The following IQGAP2 variants were observed in gnomAD, a reference collection of about 807,000 sequenced individuals.
IQGAP2 encodes the protein ras GTPase-activating-like protein IQGAP2.
IQGAP2 carries 173 observed loss-of-function variants against 201.3 expected under a neutral mutation model. That is an observed-to-expected ratio of 0.86 (90% confidence interval 0.76 to 0.98). The LOEUF (loss-of-function observed/expected upper bound fraction) is 0.98, where lower values mean the gene tolerates loss of function less well. Among genes scored for constraint, IQGAP2 ranks in the 50% least tolerant of loss-of-function variants. The probability of loss-of-function intolerance (pLI) is 0.00; values close to 1 mark genes in which losing one functional copy is unlikely to be tolerated. For missense variants in IQGAP2, 1,687 were observed against 1,864.8 expected, an observed-to-expected ratio of 0.90 and a Z score of 1.76; for synonymous variants, 675 against 673.9, an observed-to-expected ratio of 1.00 and a Z score of -0.03.
intron 24 of IQGAP2, 139 bp from the exon 25 acceptor site, chr5:76,673,310 C>G: frequency 1.3e-6 from 1 of 782,858 alleles, no homozygotes; most frequent in Admixed American, 3.1e-5. Flanking sequence ...AGCCTCCCCT[C>G]ATTTAGTAAA....
chr5:76,518,328 G>A (rs552287374), intron 2 of IQGAP2, among the ~76,000 whole-genome samples: 14 of 152,266 alleles, frequency 9.2e-5, no homozygotes, highest in Admixed American at 3.9e-4. Context: ...CATTGCAGAC[G>A]GCAAGGAGGA....
chr5:76,661,661 A>C (rs1404282623), intron 21 of IQGAP2, among the ~76,000 whole-genome samples: 2 of 152,164 alleles, frequency 1.3e-5, no homozygotes, highest in East Asian at 3.8e-4. Flanking sequence ...GGTGATTTAC[A>C]TATATTTTTA....
At chr5:76,579,326 C>T (rs2150288095) in intron 5 of IQGAP2, among the ~76,000 whole-genome samples, 1 of 152,034 alleles carries the variant, frequency 6.6e-6, no homozygotes, top group Non-Finnish European at 1.5e-5. Flanking sequence ...GCCATGATTA[C>T]AGATCTGGGT....
At chr5:76,650,519 G>A (rs972423527) in intron 17 of IQGAP2, among the ~76,000 whole-genome samples, 1 of 152,052 alleles carries the variant, frequency 6.6e-6, no homozygotes, top group African/African-American at 2.4e-5. Context: ...TAATATGTGT[G>A]GTAAGCTAAA....
intron 1 of IQGAP2, among the ~76,000 whole-genome samples, chr5:76,459,260 CG>C (rs1453735280): frequency 6.6e-6 from 1 of 151,982 alleles, no homozygotes; most frequent in Non-Finnish European, 1.5e-5. Flanking sequence ...GGCCGAGGGA[CG>C]GGGTTCTGCT....
At chr5:76,659,741 A>T (rs1011553110) in intron 21 of IQGAP2, among the ~76,000 whole-genome samples, 3 of 152,152 alleles carry the variant, frequency 2.0e-5, no homozygotes, top group Non-Finnish European at 2.9e-5. Flanking sequence ...AGCACCTCTC[A>T]TCCCCAATCC....
chr5:76,640,674 T>A (rs1751503149), intron 16 of IQGAP2, among the ~76,000 whole-genome samples: 1 of 152,194 alleles, frequency 6.6e-6, no homozygotes, highest in Non-Finnish European at 1.5e-5. Flanking sequence ...GCATCATCCA[T>A]ACATCTCTGC....
chr5:76,643,818 G>T (rs1428791769), intron 17 of IQGAP2, among the ~76,000 whole-genome samples: 1 of 152,084 alleles, frequency 6.6e-6, no homozygotes, highest in Non-Finnish European at 1.5e-5. Context: ...ACTTCACTTC[G>T]CCAGGAGCAG....
chr5:76,681,089 C>CAAAAA (rs34896356), intron 28 of IQGAP2, among the ~76,000 whole-genome samples: 2 of 52,952 alleles, frequency 3.8e-5, no homozygotes, highest in Non-Finnish European at 6.2e-5. Flanking sequence ...GACTTTGTCT[C>CAAAAA]AAAAAAAAAA....
At chr5:76,662,119 A>C (rs1450918434) in intron 21 of IQGAP2, among the ~76,000 whole-genome samples, 1 of 152,144 alleles carries the variant, frequency 6.6e-6, no homozygotes, top group Non-Finnish European at 1.5e-5. Context: ...CCCAAAGCAA[A>C]CCTCCATTCA....
intron 33 of IQGAP2, among the ~76,000 whole-genome samples, chr5:76,700,384 G>A (rs1375584206): frequency 2.6e-5 from 4 of 152,180 alleles, no homozygotes; most frequent in Admixed American, 1.3e-4. Context: ...GCATGTGCCT[G>A]TAATCCCAGC....
intron 17 of IQGAP2, among the ~76,000 whole-genome samples, chr5:76,647,805 C>A (rs1561547655): frequency 6.7e-6 from 1 of 148,378 alleles, no homozygotes; most frequent in African/African-American, 2.5e-5. Context: ...ACAGTAACTG[C>A]TCTACTCTAG....
At chr5:76,450,284 C>T (rs1461106354) in intron 1 of IQGAP2, among the ~76,000 whole-genome samples, 1 of 152,204 alleles carries the variant, frequency 6.6e-6, no homozygotes, top group Non-Finnish European at 1.5e-5. Flanking sequence ...AACCCAACTC[C>T]CTTCCCACAT....
At chr5:76,422,783 C>G (rs1048578966) in intron 1 of IQGAP2, among the ~76,000 whole-genome samples, 4 of 152,220 alleles carry the variant, frequency 2.6e-5, no homozygotes, top group Admixed American at 2.6e-4. Context: ...CACTTTCTGC[C>G]AGGTTAATCT....
intron 17 of IQGAP2, among the ~76,000 whole-genome samples, chr5:76,650,119 A>G (rs1309974476): frequency 6.6e-6 from 1 of 152,230 alleles, no homozygotes; most frequent in Non-Finnish European, 1.5e-5. Flanking sequence ...CCAGCCTGTG[A>G]TGGCAGGGGC....
At chr5:76,406,917 A>T (rs900372196) in intron 1 of IQGAP2, among the ~76,000 whole-genome samples, 1 of 152,182 alleles carries the variant, frequency 6.6e-6, no homozygotes, top group East Asian at 1.9e-4. Flanking sequence ...AAAAAGTGCA[A>T]CCTAAGTCCA....
chr5:76,429,182 A>G (rs955766317), intron 1 of IQGAP2, among the ~76,000 whole-genome samples: 4 of 152,080 alleles, frequency 2.6e-5, no homozygotes, highest in Non-Finnish European at 5.9e-5. Flanking sequence ...TTTCTCTTAT[A>G]GATACTTTTT....
chr5:76,649,513 T>C (rs745786696), intron 17 of IQGAP2, among the ~76,000 whole-genome samples: 2 of 152,226 alleles, frequency 1.3e-5, no homozygotes, highest in Non-Finnish European at 2.9e-5. Flanking sequence ...AATAAAAATA[T>C]GAATAAATAC....
chr5:76,449,981 A>G (rs1467951173), intron 1 of IQGAP2, among the ~76,000 whole-genome samples: 1 of 152,210 alleles, frequency 6.6e-6, no homozygotes, highest in African/African-American at 2.4e-5. Flanking sequence ...TGGGCTAAAG[A>G]ATCATAATAC....
Sources: gnomAD v4.1 joint callset for allele counts (sites outside exome capture counted in the v4.1 genomes callset) on GRCh38, gnomAD v4.1.1 for gene constraint, MANE v1.5 for transcripts, NCBI Gene and HGNC (gene_info 2026-07-23, HGNC 2026-07-21) for gene names.